The following CADM2 variants were observed in gnomAD, a reference collection of about 807,000 sequenced individuals.
CADM2 encodes the protein cell adhesion molecule 2.
A neutral mutation model predicts 49.8 loss-of-function variants in CADM2; 12 were observed. The ratio of observed to expected loss-of-function variants is 0.24; its 90% CI spans 0.15 to 0.39. The LOEUF (loss-of-function observed/expected upper bound fraction) is 0.39. Among genes scored for constraint, CADM2 ranks in the 10% least tolerant of loss-of-function variants. The probability of loss-of-function intolerance (pLI) is 1.00; values close to 1 mark genes in which losing one functional copy is unlikely to be tolerated. For synonymous variants in CADM2, 214 were observed against 175.4 expected (o/e 1.22, Z -1.74); for missense variants, 378 against 492.3 (o/e 0.77, Z 2.20).
intron 2 of CADM2, among the ~76,000 whole-genome samples, chr3:85,762,632 AT>A (rs1368143668): frequency 9.0e-5 from 5 of 55,598 alleles, no homozygotes; most frequent in African/African-American, 5.5e-4. Context: ...TGTCTCTGTT[AT>A]TTTATTTATC....
At chr3:85,188,924 G>T (rs1160500539) in intron 1 of CADM2, among the ~76,000 whole-genome samples, 1 of 151,834 alleles carries the variant, frequency 6.6e-6, no homozygotes, top group Non-Finnish European at 1.5e-5. Context: ...CCAGCTACTC[G>T]GGAGGCTGAG....
At chr3:85,405,008 A>G (rs2035303373) in intron 1 of CADM2, among the ~76,000 whole-genome samples, 1 of 152,160 alleles carries the variant, frequency 6.6e-6, no homozygotes. Context: ...AGATATGACA[A>G]GTTAATAGAA....
At chr3:85,161,848 C>A (rs963520130) in intron 1 of CADM2, among the ~76,000 whole-genome samples, 1 of 151,970 alleles carries the variant, frequency 6.6e-6, no homozygotes, top group Non-Finnish European at 1.5e-5. Flanking sequence ...TGAAACCCAT[C>A]TCTACTAAGG....
intron 6 of CADM2, among the ~76,000 whole-genome samples, chr3:85,931,710 G>A (rs1720624142): frequency 6.6e-6 from 1 of 151,962 alleles, no homozygotes; most frequent in Non-Finnish European, 1.5e-5. Flanking sequence ...CCAAAATGGA[G>A]CATTTCTGAT....
intron 3 of CADM2, among the ~76,000 whole-genome samples, chr3:85,847,207 C>T (rs2074919906): frequency 6.6e-6 from 1 of 152,112 alleles, no homozygotes; most frequent in South Asian, 2.1e-4. Flanking sequence ...ATAGTATCAC[C>T]AACAAAATCT....
intron 1 of CADM2, among the ~76,000 whole-genome samples, chr3:85,095,948 G>A (rs952204198): frequency 6.6e-6 from 1 of 151,918 alleles, no homozygotes; most frequent in Admixed American, 6.6e-5. Context: ...TGAGATGGAT[G>A]CTCGCTGAAG....
At chr3:85,165,897 G>C (rs2040459060) in intron 1 of CADM2, among the ~76,000 whole-genome samples, 1 of 151,296 alleles carries the variant, frequency 6.6e-6, no homozygotes, top group South Asian at 2.1e-4. Flanking sequence ...GGCATATGAG[G>C]TATAGTGATG....
At chr3:85,558,385 G>A (rs1042944949) in intron 1 of CADM2, among the ~76,000 whole-genome samples, 13 of 151,876 alleles carry the variant, frequency 8.6e-5, no homozygotes, top group Non-Finnish European at 1.2e-4. Context: ...AGTAATTATC[G>A]TGTTGATTCT....
chr3:85,151,585 C>A (rs1366546755), intron 1 of CADM2, among the ~76,000 whole-genome samples: 1 of 152,180 alleles, frequency 6.6e-6, no homozygotes, highest in Non-Finnish European at 1.5e-5. Context: ...CTTCAAAAAT[C>A]AACTTCTTAT....
At chr3:85,490,756 C>A (rs1409407208) in intron 1 of CADM2, among the ~76,000 whole-genome samples, 1 of 151,784 alleles carries the variant, frequency 6.6e-6, no homozygotes, top group Non-Finnish European at 1.5e-5. Flanking sequence ...ACAATAAATA[C>A]CTAGCAAGGA....
chr3:85,152,313 C>T (rs907368112), intron 1 of CADM2, among the ~76,000 whole-genome samples: 4 of 152,060 alleles, frequency 2.6e-5, no homozygotes, highest in African/African-American at 9.7e-5. Flanking sequence ...GTGTACTGGG[C>T]CAGTAGGTGC....
intron 1 of CADM2, among the ~76,000 whole-genome samples, chr3:85,074,961 C>T (rs915305010): frequency 6.6e-6 from 1 of 151,620 alleles, no homozygotes; most frequent in Non-Finnish European, 1.5e-5. Flanking sequence ...AACCAATCCA[C>T]TAGGAGCAAG....
At chr3:85,521,584 A>G (rs2061026645) in intron 1 of CADM2, among the ~76,000 whole-genome samples, 1 of 152,206 alleles carries the variant, frequency 6.6e-6, no homozygotes, top group Admixed American at 6.5e-5. Context: ...AATGAAAAGT[A>G]ATTAAAGATT....
intron 1 of CADM2, among the ~76,000 whole-genome samples, chr3:85,489,828 C>CA (rs2039594775): frequency 8.1e-6 from 1 of 124,110 alleles, no homozygotes; most frequent in African/African-American, 2.7e-5. Context: ...AGAGAGAGAG[C>CA]AAAGCGAGGG....
At chr3:85,608,801 G>A (rs1242907950) in intron 1 of CADM2, among the ~76,000 whole-genome samples, 1 of 151,860 alleles carries the variant, frequency 6.6e-6, no homozygotes, top group African/African-American at 2.4e-5. Flanking sequence ...GTTACCTTAG[G>A]GTAAGTAATA....
intron 1 of CADM2, among the ~76,000 whole-genome samples, chr3:85,121,465 A>T (rs558212008): frequency 2.1e-4 from 32 of 152,226 alleles, no homozygotes; most frequent in Non-Finnish European, 3.8e-4. Context: ...GAGGAAAGTG[A>T]TCTGCAAAGG....
At chr3:85,432,829 T>G (rs1433708) in intron 1 of CADM2, among the ~76,000 whole-genome samples, 1 of 151,876 alleles carries the variant, frequency 6.6e-6, no homozygotes, top group Admixed American at 6.6e-5. Context: ...AAACTAAGTT[T>G]TGAAACCTCT....
At chr3:85,441,175 G>A (rs750409386) in intron 1 of CADM2, among the ~76,000 whole-genome samples, 4 of 151,574 alleles carry the variant, frequency 2.6e-5, no homozygotes, top group African/African-American at 4.8e-5. Flanking sequence ...TATCTTTTAA[G>A]TGATTAATAA....
intron 2 of CADM2, among the ~76,000 whole-genome samples, chr3:85,782,686 G>T (rs191003354): frequency 4.0e-5 from 6 of 149,828 alleles, no homozygotes; most frequent in Admixed American, 2.0e-4. Context: ...AAAGAAAAAA[G>T]AAATATACTC....
Sources: allele counts gnomAD v4.1 joint callset (sites outside exome capture counted in the v4.1 genomes callset), GRCh38; gene constraint gnomAD v4.1.1; transcripts MANE v1.5; gene names NCBI Gene and HGNC (gene_info 2026-07-23, HGNC 2026-07-21).